ASCC2: variants seen among roughly 807,000 people sequenced by gnomAD.
The protein encoded by ASCC2 is activating signal cointegrator 1 complex subunit 2.
ASCC2 carries 42 observed loss-of-function variants against 93.5 expected under a neutral mutation model. The observed-to-expected ratio is 0.45, with a 90% confidence interval of 0.35 to 0.58. ASCC2 has a LOEUF of 0.58. ASCC2 is among the 20% of genes least tolerant of loss of function. ASCC2 has a pLI of 0.00. For missense variants in ASCC2, 859 were observed against 977.6 expected (o/e 0.88, Z 1.62); for synonymous variants, 364 against 384.2 (o/e 0.95, Z 0.62).
At chr22:29,805,234 G>A (rs1316602640) in intron 12 of ASCC2, among the ~76,000 whole-genome samples, 1 of 152,246 alleles carries the variant, frequency 6.6e-6, no homozygotes, top group Non-Finnish European at 1.5e-5. Flanking sequence ...AGGTTTCCCT[G>A]AAGCAGGACT....
intron 8 of ASCC2, chr22:29,810,060 A>G (rs2060114951): frequency 1.3e-5 from 2 of 152,350 alleles, no homozygotes. Flanking sequence ...TCCAGAGATC[A>G]GCACTCCCAC....
At chr22:29,824,646 CAG>C (rs2062050402) in intron 4 of ASCC2, among the ~76,000 whole-genome samples, 1 of 151,882 alleles carries the variant, frequency 6.6e-6, no homozygotes, top group Non-Finnish European at 1.5e-5. Flanking sequence ...ATGCACCTAA[CAG>C]TGGTTATTTT....
chr22:29,801,495 G>C (rs2078855667), intron 14 of ASCC2, among the ~76,000 whole-genome samples: 1 of 152,158 alleles, frequency 6.6e-6, no homozygotes, highest in Non-Finnish European at 1.5e-5. Context: ...AATTTCTCAA[G>C]TTAACAAGTG....
intron 19 of ASCC2, among the ~76,000 whole-genome samples, chr22:29,789,489 T>C (rs1194624456): frequency 6.6e-6 from 1 of 152,160 alleles, no homozygotes; most frequent in East Asian, 1.9e-4. Flanking sequence ...GGGCTTCAGG[T>C]GGGTCTCCTC....
At chr22:29,819,501 A>G (rs1048787304) in intron 5 of ASCC2, among the ~76,000 whole-genome samples, 1 of 152,160 alleles carries the variant, frequency 6.6e-6, no homozygotes, top group African/African-American at 2.4e-5. Context: ...TCCTATGGGT[A>G]GGTATATTAT....
In ASCC2 at chr22:29,804,751, C is replaced by T; in HGVS notation, c.1240G>A (p.Ala414Thr). The change falls in exon 13 of 20, where the codon GCT becomes ACT. Residue 414 changes from alanine to threonine, a missense_variant. Physicochemically the swap from Ala to Thr is moderately conservative, Grantham distance 58. Coordinates refer to ENST00000307790, the MANE Select transcript of ASCC2 (RefSeq NM_032204.5). Reference sequence around the variant, plus strand: ...TCCTCAATCACCGATGGGTCTTTAGCATCTGTGGCTTTCCGTCTGTCCACC... The same window carrying T: ...TCCTCAATCACCGATGGGTCTTTAGTATCTGTGGCTTTCCGTCTGTCCACC... ...EGVDRRKATDAKDPSVIEEPN... is the reference protein window; with the variant it reads ...EGVDRRKATDTKDPSVIEEPN... 1 of 1,614,174 alleles carries T rather than the reference C, an allele frequency of 6.2e-7. No homozygotes were observed. Among genetic ancestry groups the T allele is most frequent in the Non-Finnish European group, 8.5e-7 (1 of 1,180,024 alleles).
chr22:29,788,852 G>T lies in ASCC2; in HGVS notation c.*161C>A. On this transcript the variant is annotated 3_prime_UTR_variant, in exon 20 of 20. Coordinates refer to ENST00000307790, the MANE Select transcript of ASCC2 (RefSeq NM_032204.5). ...TGTGTTCTGCAGGAAGGCGCTCATGGCTGGCTGGTAGATGAGAGGCGGCCT... is the reference window on the plus strand; with the variant it reads ...TGTGTTCTGCAGGAAGGCGCTCATGTCTGGCTGGTAGATGAGAGGCGGCCT... The T allele has an allele frequency of 2.4e-6, 2 of 831,928 alleles. No homozygotes were observed. Among genetic ancestry groups the T allele is most frequent in the Non-Finnish European group, 3.8e-6 (2 of 527,678 alleles). The allele number at this position is 831,928 out of a possible 1,614,324, so 51.5% of individuals were successfully genotyped here.
In ASCC2 at chr22:29,801,086, G is replaced by C. The variant is rs147981454; in HGVS notation, c.1593C>G (p.Pro531=). The C allele has an allele frequency of 1.5e-5, 24 of 1,604,754 alleles. No individual in the cohort carries two copies. The African/African-American group carries it at 3.1e-4, about 21-fold the overall frequency. The change falls in exon 15 of 20, where the codon CCC becomes CCG. Residue 531 remains proline (P), a synonymous_variant. Transcript: ENST00000307790. ...AGACGTTGTGGCGAGACGTCAGCAG[G>C]GGTGTAGGGTCTGGTTTCATTTCTC... ...LDREMKPDPT[P]LLTSRHNVFQ...
rs3838960 is a variant in ASCC2 at position 29,838,203 on chromosome 22, T to TGCCGCC, written c.-49_-44dup. 128,587 of 458,726 alleles carry TGCCGCC rather than the reference T, an allele frequency of 0.28. 17,517 individuals carry two copies. The highest frequency in any genetic ancestry group is 0.34 in the Non-Finnish European group (76,658 of 228,340). 28.4% of individuals were successfully genotyped at this position (458,726 alleles called of 1,614,324 possible). Reference sequence around the variant, plus strand: ...CTCGGCGGCTCCACCACCGGCTCTGTGCCGCCGCCGCCGCCGCCGCCGCCG... The same window carrying TGCCGCC: ...CTCGGCGGCTCCACCACCGGCTCTGTGCCGCCGCCGCCGCCGCCGCCGCCGCCGCCG... On this transcript the variant is annotated 5_prime_UTR_variant, in exon 1 of 20. Transcript: ENST00000307790.
rs117935744 is a variant in ASCC2 at position 29,831,457 on chromosome 22, G to A, written c.81+788C>T. On this transcript the variant is annotated intron_variant, in intron 2 of 19. Transcript: ENST00000307790. ...GAAGTGTTTAGAATGATCTGGCACAGGGCAAGTACTGTATAAATGTCAGGT... is the reference window on the plus strand; with the variant it reads ...GAAGTGTTTAGAATGATCTGGCACAAGGCAAGTACTGTATAAATGTCAGGT... 6.0e-3 allele frequency among the ~76,000 whole-genome samples: 917 copies of A among 152,284 alleles called. 39 individuals carry two copies. The East Asian group carries it at 0.12, about 20-fold the overall frequency.
In ASCC2 at chr22:29,790,545, C is replaced by T. The variant is rs746294780; in HGVS notation, c.2026G>A (p.Asp676Asn). 16 of 1,613,980 alleles carry T rather than the reference C, an allele frequency of 9.9e-6. No homozygotes were observed. Among genetic ancestry groups the T allele is most frequent in the Admixed American group, 3.3e-5 (2 of 60,006 alleles). Residue 676 changes from aspartate to asparagine, a missense_variant, in exon 19 of 20, where the codon GAC becomes AAC. Coordinates refer to ENST00000307790, the MANE Select transcript of ASCC2 (RefSeq NM_032204.5). ...ACTGCAGGGTCCTGAACAAAATGGT[C>T]GGGCTGTGGAAAGGAGAGGAGACCA... The part of the protein sequence containing the change: ...DDADEEAPKP[D>N]HFVQDPAVLR...
chr22:29,807,105 G>C (rs1409951589), intron 9 of ASCC2, among the ~76,000 whole-genome samples: 1 of 151,832 alleles, frequency 6.6e-6, no homozygotes, highest in Non-Finnish European at 1.5e-5. Flanking sequence ...GTCAAGTGTG[G>C]TGATGCAGGC....
chr22:29,830,686 GC>G (rs1178549071), intron 2 of ASCC2, among the ~76,000 whole-genome samples: 1 of 152,228 alleles, frequency 6.6e-6, no homozygotes, highest in Non-Finnish European at 1.5e-5. Context: ...CACTAGAGAA[GC>G]TACTGGTCTG....
At chr22:29,823,290 C>T (rs1188654274) in intron 4 of ASCC2, among the ~76,000 whole-genome samples, 5 of 152,320 alleles carry the variant, frequency 3.3e-5, no homozygotes, top group South Asian at 4.1e-4. Context: ...TCATCTGCCT[C>T]GGCCTCCCAA....
At chr22:29,821,859 C>A in intron 5 of ASCC2, 1 of 385,280 alleles carries the variant, frequency 2.6e-6, no homozygotes, top group Non-Finnish European at 5.1e-6. Flanking sequence ...ATTCGCCAGG[C>A]ATGGTGGTGT....
intron 5 of ASCC2, among the ~76,000 whole-genome samples, chr22:29,821,256 C>T (rs894640815): frequency 3.3e-5 from 5 of 152,208 alleles, no homozygotes; most frequent in East Asian, 1.9e-4. Context: ...TGGGATCCAA[C>T]GGCTAATGTC....
rs767351562 is a variant in ASCC2 at position 29,788,982 on chromosome 22, C to CGCTGCCTCCCCACTGGCCCT, written c.*11_*30dup. The stretch of plus-strand genomic sequence containing the variant: ...GAGCACGGCCTGGTGAGTCTGGTGC[C>CGCTGCCTCCCCACTGGCCCT]GCTGCCTCCCCACTGGCCCTGCACC... On this transcript the variant is annotated 3_prime_UTR_variant, in exon 20 of 20. Transcript: ENST00000307790. The CGCTGCCTCCCCACTGGCCCT allele has an allele frequency of 8.1e-6, 13 of 1,613,428 alleles. No homozygotes were observed. In the Middle Eastern group the frequency reaches 5.0e-4, roughly 61 times the overall value.
chr22:29,833,480 A>G, intron 1 of ASCC2: 1 of 413,552 alleles, frequency 2.4e-6, no homozygotes, highest in South Asian at 1.8e-5. Context: ...AGGACCAGGG[A>G]AAAAGATAAT....
At chr22:29,817,867 A>T (rs2061048867) in intron 5 of ASCC2, among the ~76,000 whole-genome samples, 1 of 152,184 alleles carries the variant, frequency 6.6e-6, no homozygotes, top group Non-Finnish European at 1.5e-5. Flanking sequence ...AGATGAAAGC[A>T]GTTCAGAAAC....
Sources: allele counts gnomAD v4.1 joint callset (sites outside exome capture counted in the v4.1 genomes callset), GRCh38; gene constraint gnomAD v4.1.1; transcripts MANE v1.5; gene names NCBI Gene and HGNC (gene_info 2026-07-23, HGNC 2026-07-21).